C12orf42: variants seen among roughly 807,000 people sequenced by gnomAD.
C12orf42 encodes the protein uncharacterized protein C12orf42.
Under a neutral mutation model 21.6 loss-of-function variants are expected in C12orf42, and 25 were observed. That is an observed-to-expected ratio of 1.16 (90% CI 0.84 to 1.62). The LOEUF is 1.62. C12orf42 is among the 40% of genes most tolerant of loss of function. The pLI is 0.00. For missense variants in C12orf42, 483 were observed against 459.3 expected (o/e 1.05, Z -0.47); for synonymous variants, 174 against 175.0 (o/e 0.99, Z 0.05).
the C12orf42 span, among the ~76,000 whole-genome samples, chr12:103,184,681 C>T: frequency 9.6e-5 from 14 of 146,040 alleles, no homozygotes; most frequent in South Asian, 2.6e-3. Flanking sequence ...GATGATTACA[C>T]AAAACATAAG....
the C12orf42 span, among the ~76,000 whole-genome samples, chr12:103,078,854 T>C: frequency 1.3e-5 from 2 of 152,308 alleles, no homozygotes; most frequent in African/African-American, 4.8e-5. Context: ...CATTGCTTTG[T>C]CCAAAGGGAC....
At chr12:103,237,859 T>G (rs2033523336) in exon 11 of C12orf42, 1 of 152,212 alleles carries the variant, frequency 6.6e-6, no homozygotes. Flanking sequence ...TGGTGCTACG[T>G]TAGTTCTATC....
chr12:103,091,203 C>G, the C12orf42 span, among the ~76,000 whole-genome samples: 1 of 152,114 alleles, frequency 6.6e-6, no homozygotes, highest in Non-Finnish European at 1.5e-5. Context: ...CCTCACACCC[C>G]ATTGAATGAT....
At chr12:103,344,049 T>C (rs2042400863) in intron 4 of C12orf42, among the ~76,000 whole-genome samples, 2 of 152,184 alleles carry the variant, frequency 1.3e-5, no homozygotes, top group South Asian at 4.1e-4. Flanking sequence ...CAAGAAGCAG[T>C]AGCCAACACA....
the C12orf42 span, among the ~76,000 whole-genome samples, chr12:103,141,055 C>G: frequency 6.6e-6 from 1 of 152,210 alleles, no homozygotes; most frequent in Non-Finnish European, 1.5e-5. Flanking sequence ...GGAGTCAAGG[C>G]CTACTTTGAC....
intron 4 of C12orf42, among the ~76,000 whole-genome samples, chr12:103,331,581 G>C (rs1447650433): frequency 6.6e-6 from 1 of 152,236 alleles, no homozygotes; most frequent in African/African-American, 2.4e-5. Flanking sequence ...AGTCCAGGGA[G>C]CTGAAGGGGA....
At chr12:103,313,480 G>A (rs1004053683) in intron 4 of C12orf42, among the ~76,000 whole-genome samples, 1 of 152,186 alleles carries the variant, frequency 6.6e-6, no homozygotes, top group Admixed American at 6.6e-5. Context: ...GACTGCTCAA[G>A]TCAAATCTAT....
chr12:103,434,936 C>T (rs1950565815), intron 2 of C12orf42, among the ~76,000 whole-genome samples: 1 of 152,244 alleles, frequency 6.6e-6, no homozygotes. Flanking sequence ...GCAGGCTCCA[C>T]CTCGGGGGGC....
chr12:103,162,100 C>T, the C12orf42 span, among the ~76,000 whole-genome samples: 1 of 152,308 alleles, frequency 6.6e-6, no homozygotes, highest in South Asian at 2.1e-4. Context: ...ACATTGGCTC[C>T]TTTCTATACA....
At chr12:103,215,733 C>G in the C12orf42 span, among the ~76,000 whole-genome samples, 1 of 152,200 alleles carries the variant, frequency 6.6e-6, no homozygotes, top group Non-Finnish European at 1.5e-5. Context: ...CTAGCTCTAT[C>G]CATAGCAAAG....
chr12:103,563,597 CTGTT>C, the C12orf42 span, among the ~76,000 whole-genome samples: 2 of 152,204 alleles, frequency 1.3e-5, no homozygotes, highest in Non-Finnish European at 2.9e-5. Context: ...AGTCCACTGA[CTGTT>C]AGGTAATCTA....
the C12orf42 span, among the ~76,000 whole-genome samples, chr12:103,192,092 AAAC>A: frequency 4.6e-5 from 7 of 152,334 alleles, no homozygotes; most frequent in East Asian, 7.7e-4. Flanking sequence ...AAACAGACAA[AAAC>A]AACAAAGAAA....
chr12:103,312,052 T>C (rs371270520), intron 4 of C12orf42, among the ~76,000 whole-genome samples: 4 of 152,244 alleles, frequency 2.6e-5, no homozygotes, highest in Non-Finnish European at 2.9e-5. Context: ...TTTGCTCCTT[T>C]ACAACTTGCA....
At chr12:103,142,996 G>A in the C12orf42 span, among the ~76,000 whole-genome samples, 2 of 152,140 alleles carry the variant, frequency 1.3e-5, no homozygotes, top group South Asian at 4.2e-4. Flanking sequence ...ATCACACAAA[G>A]GGGGCAAGGT....
intron 10 of C12orf42, among the ~76,000 whole-genome samples, chr12:103,255,760 AAGAATATAT>A (rs2034529341): frequency 6.6e-6 from 1 of 151,780 alleles, no homozygotes; most frequent in African/African-American, 2.4e-5. Flanking sequence ...ATCTATTATA[AAGAATATAT>A]GGCCGGGCGC....
At chr12:103,255,750 A>G (rs2136207225) in intron 10 of C12orf42, among the ~76,000 whole-genome samples, 1 of 151,858 alleles carries the variant, frequency 6.6e-6, no homozygotes, top group African/African-American at 2.4e-5. Flanking sequence ...TCATTATTAT[A>G]TCTATTATAA....
intron 1 of C12orf42, among the ~76,000 whole-genome samples, chr12:103,479,376 A>T (rs1159481679): frequency 6.6e-6 from 1 of 152,108 alleles, no homozygotes; most frequent in Non-Finnish European, 1.5e-5. Context: ...GTTGAAAAAG[A>T]AAAGAAGACT....
intron 4 of C12orf42, among the ~76,000 whole-genome samples, chr12:103,330,887 G>A (rs2041185315): frequency 6.6e-6 from 1 of 152,214 alleles, no homozygotes; most frequent in South Asian, 2.1e-4. Flanking sequence ...TACCTGATAA[G>A]GCAAATGAAA....
intron 2 of C12orf42, among the ~76,000 whole-genome samples, chr12:103,475,173 C>T (rs879282714): frequency 2.6e-5 from 4 of 152,194 alleles, no homozygotes; most frequent in Non-Finnish European, 5.9e-5. Context: ...ATGCCCATGA[C>T]CCAGGTCACC....
Sources: allele counts gnomAD v4.1 joint callset (sites outside exome capture counted in the v4.1 genomes callset), GRCh38; gene constraint gnomAD v4.1.1; transcripts MANE v1.5; gene names NCBI Gene and HGNC (gene_info 2026-07-23, HGNC 2026-07-21).